The following UBR3 variants were observed in gnomAD, a reference collection of about 807,000 sequenced individuals.
UBR3 encodes E3 ubiquitin-protein ligase UBR3.
In UBR3, 85 loss-of-function variants were observed where a neutral mutation model predicts 243.2. The observed-to-expected ratio is 0.35, with a 90% CI of 0.29 to 0.42. The LOEUF is 0.42. UBR3 is among the 10% of genes least tolerant of loss of function. The pLI is 1.00. For missense variants in UBR3, 1,686 were observed against 2,300.8 expected (o/e 0.73, Z 5.47); for synonymous variants, 748 against 799.8 (o/e 0.94, Z 1.09).
At chr2:170,048,733 G>C (rs1574449568) in intron 32 of UBR3, among the ~76,000 whole-genome samples, 1 of 152,038 alleles carries the variant, frequency 6.6e-6, no homozygotes, top group Non-Finnish European at 1.5e-5. Context: ...TAAGTGAAAA[G>C]GTGAAAATTC....
At chr2:169,935,288 C>A (rs748669693) in intron 19 of UBR3, among the ~76,000 whole-genome samples, 3 of 152,192 alleles carry the variant, frequency 2.0e-5, no homozygotes, top group South Asian at 4.1e-4. Context: ...ATCTTACCCC[C>A]CTGAGTAGCT....
At chr2:170,034,933 A>C (rs992658009) in intron 31 of UBR3, among the ~76,000 whole-genome samples, 1 of 151,722 alleles carries the variant, frequency 6.6e-6, no homozygotes, top group African/African-American at 2.4e-5. Flanking sequence ...GGTCTGGAGC[A>C]TCTTTTCATA....
chr2:169,878,493 T>G, intron 4 of UBR3, 32 bp from the exon 5 acceptor site: 2 of 1,542,130 alleles, frequency 1.3e-6, no homozygotes, highest in Non-Finnish European at 1.8e-6. Context: ...GTAGCAACTA[T>G]GAAGGACAAC....
Position 169,955,793 on chromosome 2 carries a change from C to CAAAAAAA in UBR3, c.3546-2633_3546-2627dup, listed in dbSNP as rs56238118. ...TGGGCCATAGAGTGAGACTCCATCT[C>CAAAAAAA]AAAAAAAAAAAAAAAAAAGATGTTG... On this transcript the variant is annotated intron_variant, in intron 23 of 38. Coordinates refer to ENST00000272793, the MANE Select transcript of UBR3 (RefSeq NM_172070.4). Among the ~76,000 whole-genome samples the CAAAAAAA allele has an allele frequency of 3.1e-4, 24 of 78,522 alleles. 2 individuals carry two copies. The highest frequency in any genetic ancestry group is 3.4e-4 in the African/African-American group (7 of 20,790). The allele number at this position is 78,522 out of a possible 152,430, so 51.5% of individuals were successfully genotyped here. A position where few individuals can be genotyped will look rare whatever the true frequency, so the allele number is the denominator to read the frequency against.
At chr2:170,071,748 G>T (rs935047313) in intron 35 of UBR3, among the ~76,000 whole-genome samples, 2 of 152,006 alleles carry the variant, frequency 1.3e-5, no homozygotes, top group South Asian at 4.1e-4. Context: ...TTTCTTCTTT[G>T]TAGCATATTT....
At position 169,939,899 on chromosome 2, in the gene UBR3, T is replaced by C. The variant is rs114819811; in HGVS notation, c.2664-2594T>C. 2.4e-3 allele frequency among the ~76,000 whole-genome samples: 362 copies of C among 152,294 alleles called. 1 individual carries two copies. The highest frequency in any genetic ancestry group is 8.2e-3 in the African/African-American group (342 of 41,572). ...TTCTTTCAATTTAGTTTGGATTGTC[T>C]TTTTTCCTTTTCTTGGATACTTGGT... On this transcript the variant is annotated intron_variant, in intron 19 of 38. Coordinates refer to ENST00000272793, the MANE Select transcript of UBR3 (RefSeq NM_172070.4).
chr2:169,915,665 G>A (rs909299590), intron 11 of UBR3, among the ~76,000 whole-genome samples: 1 of 152,214 alleles, frequency 6.6e-6, no homozygotes, highest in African/African-American at 2.4e-5. Context: ...CTGGTAGTTT[G>A]TGATTTGTGT....
chr2:169,836,807 G>C (rs1435029315), intron 1 of UBR3, among the ~76,000 whole-genome samples: 6 of 151,796 alleles, frequency 4.0e-5, no homozygotes, highest in African/African-American at 1.5e-4. Context: ...GTGAACTGCT[G>C]GTTCATATTA....
rs1484261784 is a variant in UBR3 at position 169,942,558 on chromosome 2, A to G, written c.2729A>G (p.His910Arg). Residue 910 changes from histidine (H) to arginine (R), a missense_variant, in exon 20 of 39, where the codon CAT becomes CGT. Coordinates refer to ENST00000272793, the MANE Select transcript of UBR3 (RefSeq NM_172070.4). ...CCATATAAGAAAAGGACATCACTCC[A>G]TCCTAGCTATAAAGGTCTTATGAGA... Reference protein sequence around the residue: ...WPPYKKRTSLHPSYKGLMRLL... With the variant: ...WPPYKKRTSLRPSYKGLMRLL... 57 of 1,550,582 alleles carry G rather than the reference A, an allele frequency of 3.7e-5. No homozygotes were observed. Among genetic ancestry groups the G allele is most frequent in the Non-Finnish European group, 5.0e-5 (57 of 1,146,740 alleles).
rs1381293510 is a variant in UBR3 at position 170,083,587 on chromosome 2, C to T, written c.*1744C>T. 6.6e-6 allele frequency: 1 copy of T among 152,536 alleles called. No individual in the cohort carries two copies. The highest frequency in any genetic ancestry group is 2.4e-5 in the African/African-American group (1 of 41,436). 9.4% of individuals were successfully genotyped at this position (152,536 alleles called of 1,614,324 possible). On this transcript the variant is annotated 3_prime_UTR_variant, in exon 39 of 39. Coordinates refer to ENST00000272793, the MANE Select transcript of UBR3 (RefSeq NM_172070.4). ...TTGACATCTCTAGTAAATACTGTTACAGGATTCATGAACTTGAATAATTCT... is the reference window on the plus strand; with the variant it reads ...TTGACATCTCTAGTAAATACTGTTATAGGATTCATGAACTTGAATAATTCT...
chr2:169,841,721 C>T (rs182852117), intron 1 of UBR3, among the ~76,000 whole-genome samples: 56 of 151,750 alleles, frequency 3.7e-4, no homozygotes, highest in African/African-American at 8.5e-4. Flanking sequence ...GCAGTGCCGG[C>T]CCACCGGCGC....
intron 31 of UBR3, among the ~76,000 whole-genome samples, chr2:170,034,487 C>G (rs2090771724): frequency 6.6e-6 from 1 of 151,976 alleles, no homozygotes; most frequent in Admixed American, 6.6e-5. Flanking sequence ...TAAGTTTCCA[C>G]AATGTCTTCT....
At chr2:169,841,565 C>T (rs1269382053) in intron 1 of UBR3, among the ~76,000 whole-genome samples, 5 of 152,214 alleles carry the variant, frequency 3.3e-5, no homozygotes, top group African/African-American at 4.8e-5. Context: ...GGGCTGCGTG[C>T]GGCGCTTGCG....
At chr2:169,836,877 G>A (rs1376651017) in intron 1 of UBR3, among the ~76,000 whole-genome samples, 1 of 151,992 alleles carries the variant, frequency 6.6e-6, no homozygotes, top group Non-Finnish European at 1.5e-5. Context: ...TACTCTAGAT[G>A]CTGATCCTTT....
intron 24 of UBR3, among the ~76,000 whole-genome samples, chr2:169,966,463 C>T (rs879714951): frequency 5.9e-5 from 9 of 152,194 alleles, no homozygotes; most frequent in Admixed American, 5.9e-4. Flanking sequence ...ATGTACACTA[C>T]TGATTATACT....
intron 33 of UBR3, among the ~76,000 whole-genome samples, chr2:170,059,344 CTT>C (rs766202858): frequency 3.9e-5 from 6 of 152,148 alleles, no homozygotes; most frequent in Non-Finnish European, 7.4e-5. Flanking sequence ...CTGTTGTACT[CTT>C]TGAATCTTTT....
chr2:169,874,635 G>A (rs555560697), intron 2 of UBR3, among the ~76,000 whole-genome samples: 1 of 152,246 alleles, frequency 6.6e-6, no homozygotes, highest in East Asian at 1.9e-4. Flanking sequence ...CTGTGTTAGA[G>A]TTTGTTTCAG....
chr2:170,032,289 C>T (rs991273763), intron 31 of UBR3, among the ~76,000 whole-genome samples: 1 of 151,976 alleles, frequency 6.6e-6, no homozygotes, highest in Non-Finnish European at 1.5e-5. Context: ...AACAGTCACA[C>T]ATATCTGGAT....
chr2:170,007,482 G>T (rs1418398304), intron 28 of UBR3, among the ~76,000 whole-genome samples: 1 of 152,134 alleles, frequency 6.6e-6, no homozygotes, highest in East Asian at 1.9e-4. Context: ...AATAGGCCAG[G>T]CACGGTGGCT....
Sources: allele counts gnomAD v4.1 joint callset (sites outside exome capture counted in the v4.1 genomes callset), GRCh38; gene constraint gnomAD v4.1.1; transcripts MANE v1.5; gene names NCBI Gene and HGNC (gene_info 2026-07-23, HGNC 2026-07-21).